ZNF577: variants seen among roughly 807,000 people sequenced by gnomAD.
ZNF577 encodes zinc finger protein 577.
In ZNF577, 14 loss-of-function variants were observed where a neutral mutation model predicts 13.9. The observed-to-expected ratio is 1.00, with a 90% CI of 0.66 to 1.57. The LOEUF (loss-of-function observed/expected upper bound fraction) is 1.57. Ranked by LOEUF, ZNF577 falls within the 40% of genes most tolerant of loss-of-function variation. ZNF577 has a pLI of 0.00. For synonymous variants in ZNF577, 203 were observed against 202.9 expected, an observed-to-expected ratio of 1.00 and a Z score of 0.00; for missense variants, 555 against 579.2, an observed-to-expected ratio of 0.96 and a Z score of 0.43.
chr19:51,831,584 C>A (rs772801124), intron 9 of ZNF577, among the ~76,000 whole-genome samples: 2 of 152,142 alleles, frequency 1.3e-5, no homozygotes, highest in Non-Finnish European at 2.9e-5. Context: ...TCTTGCTCTA[C>A]AGCAATCAGT....
intron 5 of ZNF577, chr19:51,855,985 G>T (rs1380180919): frequency 6.6e-6 from 1 of 152,166 alleles, no homozygotes; most frequent in Non-Finnish European, 1.5e-5. Flanking sequence ...AAGGGATATA[G>T]AAGTAGGCCA....
At chr19:51,818,186 T>C (rs1291062742) in intron 9 of ZNF577, among the ~76,000 whole-genome samples, 1 of 152,232 alleles carries the variant, frequency 6.6e-6, no homozygotes, top group Admixed American at 6.5e-5. Flanking sequence ...ATGCATCTCA[T>C]GTCTTCTAAG....
chr19:51,881,434 G>A (rs1252459404), intron 1 of ZNF577, among the ~76,000 whole-genome samples: 4 of 152,122 alleles, frequency 2.6e-5, no homozygotes, highest in African/African-American at 4.8e-5. Flanking sequence ...CAAACCATAA[G>A]CACTGTCTTA....
In ZNF577 at chr19:51,870,479, T is replaced by TA; in HGVS notation, c.*2052dup. On this transcript the variant is annotated 3_prime_UTR_variant, in exon 6 of 6. Coordinates refer to ENST00000638348, the MANE Select transcript of ZNF577 (RefSeq NM_001370449.1). ...AAATCTGAGCCACCCACAGAGGCAA[T>TA]ACTCCTTACTTAAGGTCCACTGTGA... 6.6e-6 allele frequency among the ~76,000 whole-genome samples: 1 copy of TA among 152,276 alleles called. No individual in the cohort carries two copies. The highest frequency in any genetic ancestry group is 1.5e-5 in the Non-Finnish European group (1 of 68,022).
At chr19:51,861,199 A>G (rs532426904) in intron 5 of ZNF577, 316 of 270,814 alleles carry the variant, frequency 1.2e-3, no homozygotes, top group Non-Finnish European at 1.3e-3. Context: ...GCTTACTGCA[A>G]CCTCCACCTC....
intron 5 of ZNF577, among the ~76,000 whole-genome samples, chr19:51,846,241 T>C (rs1356385184): frequency 6.6e-6 from 1 of 152,220 alleles, no homozygotes; most frequent in Non-Finnish European, 1.5e-5. Flanking sequence ...CCAGCCTGTA[T>C]AACACAGTGA....
chr19:51,813,871 A>G (rs1449543762), intron 9 of ZNF577, among the ~76,000 whole-genome samples: 1 of 152,146 alleles, frequency 6.6e-6, no homozygotes, highest in Non-Finnish European at 1.5e-5. Context: ...CAGGCATGTG[A>G]ATGAAGCCAG....
intron 9 of ZNF577, chr19:51,826,048 T>C (rs1179425245): frequency 6.1e-6 from 1 of 163,606 alleles, no homozygotes; most frequent in African/African-American, 2.4e-5. Context: ...TGAATGAATG[T>C]TGAATTTTAT....
At chr19:51,848,708 A>C (rs2084366213) in intron 5 of ZNF577, among the ~76,000 whole-genome samples, 2 of 152,208 alleles carry the variant, frequency 1.3e-5, no homozygotes, top group African/African-American at 4.8e-5. Flanking sequence ...TGAAGAGCAC[A>C]ACCCACCCAG....
At chr19:51,822,497 A>G (rs1487659942) in intron 9 of ZNF577, among the ~76,000 whole-genome samples, 1 of 152,192 alleles carries the variant, frequency 6.6e-6, no homozygotes, top group African/African-American at 2.4e-5. Flanking sequence ...GAAAGGGCTT[A>G]GAAGTCAGAC....
intron 9 of ZNF577, among the ~76,000 whole-genome samples, chr19:51,838,218 G>C (rs721891): frequency 2.6e-5 from 4 of 151,912 alleles, no homozygotes; most frequent in Non-Finnish European, 5.9e-5. Context: ...GAGTTCTTTA[G>C]GTATCCACAT....
Position 51,880,211 on chromosome 19 carries a change from T to C in ZNF577, c.60+112A>G, listed in dbSNP as rs547828946. The C allele has an allele frequency of 2.0e-5, 23 of 1,145,326 alleles. No individual in the cohort carries two copies. The East Asian group carries it at 3.8e-4, about 19-fold the overall frequency. The allele number at this position is 1,145,326 out of a possible 1,614,324, so 70.9% of individuals were successfully genotyped here. ...CCCACTAAACAACAGGAAAAAGCCA[T>C]AGAAAACATCCCATGCCTTTATTAC... On this transcript the variant is annotated intron_variant, in intron 3 of 5. Coordinates refer to ENST00000638348, the MANE Select transcript of ZNF577 (RefSeq NM_001370449.1).
chr19:51,861,559 T>A (rs2122605790), intron 5 of ZNF577: 1 of 152,434 alleles, frequency 6.6e-6, no homozygotes. Context: ...ACAATCATAG[T>A]ATTCATGGAA....
At chr19:51,882,879 G>A (rs1323187996) in intron 1 of ZNF577, among the ~76,000 whole-genome samples, 5 of 152,138 alleles carry the variant, frequency 3.3e-5, no homozygotes, top group Admixed American at 3.3e-4. Flanking sequence ...CTGCTTTTGG[G>A]AGGAATGAAG....
intron 8 of ZNF577, chr19:51,840,829 C>T (rs1013120564): frequency 3.3e-5 from 5 of 152,110 alleles, no homozygotes; most frequent in Admixed American, 1.3e-4. Flanking sequence ...TAGTTTATCA[C>T]TCCCACTGGT....
At chr19:51,845,932 G>A (rs2084349075) in intron 5 of ZNF577, among the ~76,000 whole-genome samples, 1 of 152,206 alleles carries the variant, frequency 6.6e-6, no homozygotes, top group Non-Finnish European at 1.5e-5. Context: ...ATGAACATGG[G>A]AGTGCAGCTA....
At chr19:51,885,205 C>T (rs78649879) in intron 1 of ZNF577, among the ~76,000 whole-genome samples, 1 of 152,156 alleles carries the variant, frequency 6.6e-6, no homozygotes, top group Non-Finnish European at 1.5e-5. Context: ...AATGTTTTAT[C>T]AGAACACAGC....
At chr19:51,856,033 T>C (rs1175121912) in intron 5 of ZNF577, 1 of 152,182 alleles carries the variant, frequency 6.6e-6, no homozygotes, top group Non-Finnish European at 1.5e-5. Flanking sequence ...TTTAATGAGG[T>C]TCAAAATTTT....
At chr19:51,810,701 A>G (rs1380296089) in intron 10 of ZNF577, among the ~76,000 whole-genome samples, 1 of 152,230 alleles carries the variant, frequency 6.6e-6, no homozygotes, top group African/African-American at 2.4e-5. Flanking sequence ...CAAGTGTCTC[A>G]CATCAAAGGG....
Sources: gnomAD v4.1 joint callset for allele counts (sites outside exome capture counted in the v4.1 genomes callset) on GRCh38, gnomAD v4.1.1 for gene constraint, MANE v1.5 for transcripts, NCBI Gene and HGNC (gene_info 2026-07-23, HGNC 2026-07-21) for gene names.